Variants in CLEC4D observed in about 807,000 individuals in gnomAD.
CLEC4D encodes the protein C-type lectin domain family 4 member D, also known as C-type (calcium dependent, carbohydrate-recognition domain) lectin, superfamily member 8.
CLEC4D carries 21 observed loss-of-function variants against 21.1 expected under a neutral mutation model. That is an observed-to-expected ratio of 1.00 (90% confidence interval 0.71 to 1.43). The LOEUF is 1.43. Ranked by LOEUF, CLEC4D falls within the 40% of genes most tolerant of loss-of-function variation. CLEC4D has a pLI of 0.00. For missense variants in CLEC4D, 289 were observed against 260.7 expected (o/e 1.11, Z -0.75); for synonymous variants, 85 against 83.1 (o/e 1.02, Z -0.12).
the CLEC4D span, among the ~76,000 whole-genome samples, chr12:8,528,360 A>C: frequency 6.6e-6 from 1 of 152,226 alleles, no homozygotes; most frequent in Admixed American, 6.5e-5. Context: ...AGTCCCTACC[A>C]GCAAGAAGGC....
chr12:8,518,826 A>T (rs937447433), intron 3 of CLEC4D, among the ~76,000 whole-genome samples, 183 bp from the exon 4 acceptor site: 1 of 152,248 alleles, frequency 6.6e-6, no homozygotes, highest in African/African-American at 2.4e-5. Flanking sequence ...TCCAGTACTT[A>T]TGTTTAGAAG....
intron 1 of CLEC4D, among the ~76,000 whole-genome samples, chr12:8,513,984 T>C (rs1164073509): frequency 1.3e-5 from 2 of 151,742 alleles, no homozygotes; most frequent in Non-Finnish European, 2.9e-5. Flanking sequence ...GGAGATAAAA[T>C]ATATAAAAGA....
At chr12:8,514,896 C>CT (rs1940355999) in intron 1 of CLEC4D, among the ~76,000 whole-genome samples, 1 of 152,074 alleles carries the variant, frequency 6.6e-6, no homozygotes, top group African/African-American at 2.4e-5. Flanking sequence ...TATGAGAAGA[C>CT]TTTCCTTTCA....
In CLEC4D at chr12:8,518,271, GA is replaced by G; in HGVS notation, c.231del (p.Ser79AlafsTer41). ...IKEKSELKSA[E>X]GSTWNCCPID... Reference sequence around the variant, plus strand: ...AGAGAAATCAGAACTGAAAAGTGCTGAAGGTACAGAGTGTAAGATAATTTCT... The same window carrying G: ...AGAGAAATCAGAACTGAAAAGTGCTGAGGTACAGAGTGTAAGATAATTTCT... On this transcript the variant is annotated frameshift_variant and splice_region_variant, in exon 3 of 6. Transcript: ENST00000299665. LOFTEE classifies it high-confidence loss of function. 1 of 1,100,988 alleles carries G rather than the reference GA, an allele frequency of 9.1e-7. No individual in the cohort carries two copies. Among genetic ancestry groups the G allele is most frequent in the Non-Finnish European group, 1.4e-6 (1 of 714,422 alleles). 68.2% of individuals were successfully genotyped at this position (1,100,988 alleles called of 1,614,324 possible). A position where few individuals can be genotyped will look rare whatever the true frequency, so the allele number is the denominator to read the frequency against.
At chr12:8,515,134 A>G (rs1369476867) in intron 1 of CLEC4D, 102 bp from the exon 2 acceptor site, 1 of 664,844 alleles carries the variant, frequency 1.5e-6, no homozygotes, top group African/African-American at 1.8e-5. Context: ...CTAGATCTGA[A>G]ATATTTGGTT....
intron 2 of CLEC4D, among the ~76,000 whole-genome samples, chr12:8,516,569 C>A (rs1267844062): frequency 2.0e-5 from 3 of 152,182 alleles, no homozygotes; most frequent in African/African-American, 7.2e-5. Context: ...GCAAACATAA[C>A]AGGATGGCAA....
downstream of CLEC4D, among the ~76,000 whole-genome samples, chr12:8,526,744 A>T (rs1013125941): frequency 1.2e-4 from 19 of 152,106 alleles, no homozygotes; most frequent in African/African-American, 4.6e-4. Flanking sequence ...AGATGCTGTG[A>T]TCATTTGGAG....
chr12:8,515,218 T>A lies in CLEC4D; in HGVS notation c.29-18T>A. On this transcript the variant is annotated intron_variant, in intron 1 of 5. Transcript: ENST00000299665. ...GTAGCTGAGAGGAGGTTAATCTCTATTTTTCTTTTGGTCCTAGTGGAAGGA... is the reference window on the plus strand; with the variant it reads ...GTAGCTGAGAGGAGGTTAATCTCTAATTTTCTTTTGGTCCTAGTGGAAGGA... 1 of 1,157,738 alleles carries A rather than the reference T, an allele frequency of 8.6e-7. No homozygotes were observed. The highest frequency in any genetic ancestry group is 1.3e-6 in the Non-Finnish European group (1 of 763,364). The allele number at this position is 1,157,738 out of a possible 1,614,324, so 71.7% of individuals were successfully genotyped here. A position where few individuals can be genotyped will look rare whatever the true frequency, so the allele number is the denominator to read the frequency against.
At chr12:8,526,537 G>A (rs938899742), downstream of CLEC4D, among the ~76,000 whole-genome samples, 2 of 152,046 alleles carry the variant, frequency 1.3e-5, no homozygotes, top group African/African-American at 4.8e-5. Context: ...GCTCCATCAG[G>A]TCATTTATCT....
chr12:8,526,766 C>T (rs1049119526), downstream of CLEC4D, among the ~76,000 whole-genome samples: 2 of 152,154 alleles, frequency 1.3e-5, no homozygotes, highest in African/African-American at 2.4e-5. Context: ...AGAAGAGGCA[C>T]TCTTGTCTTT....
chr12:8,523,703 T>C (rs1940483990), downstream of CLEC4D, among the ~76,000 whole-genome samples: 1 of 152,214 alleles, frequency 6.6e-6, no homozygotes, highest in African/African-American at 2.4e-5. Context: ...TTCTCTTGAC[T>C]GATTGCCCTG....
At chr12:8,514,519 C>T (rs1456526269) in intron 1 of CLEC4D, among the ~76,000 whole-genome samples, 2 of 151,998 alleles carry the variant, frequency 1.3e-5, no homozygotes, top group Non-Finnish European at 1.5e-5. Context: ...AGAATAGACA[C>T]CTGTAATTGA....
chr12:8,522,690 A>G (rs151032369), downstream of CLEC4D, among the ~76,000 whole-genome samples: 7 of 152,206 alleles, frequency 4.6e-5, no homozygotes, highest in East Asian at 1.3e-3. Flanking sequence ...GGCTTCGTAT[A>G]GTTAATATTA....
In CLEC4D at chr12:8,518,278, CAG is replaced by C; in HGVS notation, c.232+7_232+8del. On this transcript the variant is annotated splice_donor_5th_base_variant and intron_variant, in intron 3 of 5. Coordinates refer to ENST00000299665, the MANE Select transcript of CLEC4D (RefSeq NM_080387.5). ...TCAGAACTGAAAAGTGCTGAAGGTA[CAG>C]AGTGTAAGATAATTTCTTTTTTAAT... is the stretch of plus-strand genomic sequence containing the variant. 2 of 1,029,242 alleles carry C rather than the reference CAG, an allele frequency of 1.9e-6. No individual in the cohort carries two copies. The highest frequency in any genetic ancestry group is 2.6e-5 in the South Asian group (2 of 77,110). The allele number at this position is 1,029,242 out of a possible 1,614,324, so 63.8% of individuals were successfully genotyped here. A position where few individuals can be genotyped will look rare whatever the true frequency, so the allele number is the denominator to read the frequency against.
the CLEC4D span, among the ~76,000 whole-genome samples, chr12:8,531,460 G>A: frequency 6.6e-6 from 1 of 152,114 alleles, no homozygotes; most frequent in African/African-American, 2.4e-5. Flanking sequence ...ACTTCAGAGG[G>A]ACCTTCTGGG....
At chr12:8,528,568 C>A in the CLEC4D span, among the ~76,000 whole-genome samples, 2 of 152,116 alleles carry the variant, frequency 1.3e-5, no homozygotes, top group East Asian at 3.8e-4. Flanking sequence ...AAGACAAAGA[C>A]AGTAATTTCA....
At chr12:8,527,669 G>A in the CLEC4D span, among the ~76,000 whole-genome samples, 1 of 152,218 alleles carries the variant, frequency 6.6e-6, no homozygotes, top group Non-Finnish European at 1.5e-5. Context: ...CTCAAAGAGC[G>A]CAAACGGCTT....
chr12:8,514,706 A>G (rs1480615092), intron 1 of CLEC4D, among the ~76,000 whole-genome samples: 1 of 152,084 alleles, frequency 6.6e-6, no homozygotes, highest in Non-Finnish European at 1.5e-5. Context: ...AAAAAATCTG[A>G]TGTGTGAAAA....
chr12:8,518,968 T>C, intron 3 of CLEC4D, 41 bp from the exon 4 acceptor site: 1 of 1,599,602 alleles, frequency 6.3e-7, no homozygotes, highest in Non-Finnish European at 8.5e-7. Flanking sequence ...ACAGATGAAA[T>C]GCTCTTTTGT....
Sources: gnomAD v4.1 joint callset for allele counts (sites outside exome capture counted in the v4.1 genomes callset) on GRCh38, gnomAD v4.1.1 for gene constraint, MANE v1.5 for transcripts, NCBI Gene and HGNC (gene_info 2026-07-23, HGNC 2026-07-21) for gene names.